The following ZNF510 variants were observed in gnomAD, a reference collection of about 807,000 sequenced individuals.
ZNF510 encodes zinc finger protein 510.
ZNF510 carries 15 observed loss-of-function variants against 18.1 expected under a neutral mutation model. The observed-to-expected ratio is 0.83, with a 90% confidence interval of 0.55 to 1.28. The LOEUF is 1.28. ZNF510 is among the 50% of genes most tolerant of loss of function. The pLI is 0.00. For synonymous variants in ZNF510, 261 were observed against 266.4 expected (o/e 0.98, Z 0.20); for missense variants, 724 against 791.8 (o/e 0.91, Z 1.03).
At chr9:96,768,172 A>AT (rs1477605513) in intron 3 of ZNF510, among the ~76,000 whole-genome samples, 9 of 152,234 alleles carry the variant, frequency 5.9e-5, no homozygotes, top group Admixed American at 3.9e-4. Context: ...TCCTTTCATG[A>AT]TAAAAACAAA....
intron 5 of ZNF510, 83 bp from the exon 6 acceptor site, chr9:96,760,560 C>T: frequency 8.2e-7 from 1 of 1,221,468 alleles, no homozygotes; most frequent in Non-Finnish European, 1.1e-6. Context: ...CTATGTTGCA[C>T]CTAATTATTT....
At chr9:96,772,294 G>A (rs190656279) in intron 3 of ZNF510, among the ~76,000 whole-genome samples, 35 of 152,254 alleles carry the variant, frequency 2.3e-4, no homozygotes, top group African/African-American at 7.2e-4. Context: ...AAATAAACAA[G>A]TATGTAGTAA....
At chr9:96,764,690 A>G (rs1481466184) in intron 3 of ZNF510, among the ~76,000 whole-genome samples, 1 of 152,206 alleles carries the variant, frequency 6.6e-6, no homozygotes, top group Admixed American at 6.5e-5. Flanking sequence ...AACATTATAT[A>G]TATAGGGATT....
At position 96,760,416 on chromosome 9, in the gene ZNF510, C is replaced by A; in HGVS notation, c.414G>T (p.Glu138Asp). ...TTTTATTATTGATACATATTGCTTGCTCCAAGTGTTTGTCTTTGATTTTCT... is the reference window on the plus strand; with the variant it reads ...TTTTATTATTGATACATATTGCTTGATCCAAGTGTTTGTCTTTGATTTTCT... ...QNKKIKDKHL[E>D]QAICINNKTL... is the part of the protein sequence containing the mutation. The change falls in exon 6 of 6, where the codon GAG (glutamate) becomes GAT (aspartate). Residue 138 changes from glutamate (E) to aspartate (D), a missense_variant. Coordinates refer to ENST00000223428, the MANE Select transcript of ZNF510 (RefSeq NM_014930.3). 6.2e-7 allele frequency: 1 copy of A among 1,612,882 alleles called. No individual in the cohort carries two copies.
chr9:96,776,234 G>A lies in ZNF510; in HGVS notation c.-165C>T, dbSNP rs564422326. 2 of 1,283,378 alleles carry A rather than the reference G, an allele frequency of 1.6e-6. No homozygotes were observed. The highest frequency in any genetic ancestry group is 2.0e-6 in the Non-Finnish European group (2 of 988,200). The allele number at this position is 1,283,378 out of a possible 1,614,324, so 79.5% of individuals were successfully genotyped here. On this transcript the variant is annotated 5_prime_UTR_variant, in exon 2 of 6. Transcript: ENST00000223428. Reference sequence around the variant, plus strand: ...CTTCGGTGGGACTCCTGTTCCTGGGGCTCCCTCCTTCCTGCAACATAAAGA... The same window carrying A: ...CTTCGGTGGGACTCCTGTTCCTGGGACTCCCTCCTTCCTGCAACATAAAGA...
chr9:96,769,858 T>C (rs10116384), intron 3 of ZNF510, among the ~76,000 whole-genome samples: 9,028 of 152,164 alleles, frequency 0.059, 877 homozygotes, highest in African/African-American at 0.2. Flanking sequence ...AAATCAAAGT[T>C]AAATGATACC....
At chr9:96,771,101 C>G (rs1849576009) in intron 3 of ZNF510, among the ~76,000 whole-genome samples, 1 of 152,126 alleles carries the variant, frequency 6.6e-6, no homozygotes, top group African/African-American at 2.4e-5. Flanking sequence ...ATTCAGAGAA[C>G]ACAAAATGAA....
At chr9:96,774,948 A>G in intron 2 of ZNF510, 102 bp from the exon 3 acceptor site, 1 of 962,660 alleles carries the variant, frequency 1.0e-6, no homozygotes, top group East Asian at 2.5e-5. Context: ...TCTACAAAAA[A>G]TGTTCCTTTG....
chr9:96,772,524 C>T (rs918294765), intron 3 of ZNF510, among the ~76,000 whole-genome samples: 1 of 151,932 alleles, frequency 6.6e-6, no homozygotes, highest in Non-Finnish European at 1.5e-5. Flanking sequence ...TGAAATAATT[C>T]CTACTTAAAA....
intron 5 of ZNF510, among the ~76,000 whole-genome samples, chr9:96,760,725 C>G (rs983368135): frequency 2.7e-5 from 4 of 149,696 alleles, no homozygotes; most frequent in Admixed American, 1.3e-4. Flanking sequence ...ATTTTCCTAA[C>G]TGGATAGATA....
rs1410987273 is a variant in ZNF510 at position 96,757,386 on chromosome 9, G to A, written c.*1392C>T. On this transcript the variant is annotated 3_prime_UTR_variant, in exon 6 of 6. Coordinates refer to ENST00000223428, the MANE Select transcript of ZNF510 (RefSeq NM_014930.3). The stretch of plus-strand genomic sequence containing the variant: ...GTTCATGCAAAGCCCTGTATCAGGT[G>A]GTACTATCAATTTCATTACATTGAA... 2 of 152,106 alleles carry A rather than the reference G, an allele frequency of 1.3e-5. No homozygotes were observed. The highest frequency in any genetic ancestry group is 6.6e-5 in the Admixed American group (1 of 15,266). The allele number at this position is 152,106 out of a possible 1,614,324, so 9.4% of individuals were successfully genotyped here. A position where few individuals can be genotyped will look rare whatever the true frequency, so the allele number is the denominator to read the frequency against.
chr9:96,764,653 G>C (rs1849429292), intron 3 of ZNF510, among the ~76,000 whole-genome samples: 1 of 152,002 alleles, frequency 6.6e-6, no homozygotes, highest in South Asian at 2.1e-4. Flanking sequence ...TTAAAGAAAA[G>C]ATAAAGTATA....
intron 3 of ZNF510, among the ~76,000 whole-genome samples, chr9:96,768,326 C>G (rs986810038): frequency 1.3e-5 from 2 of 152,114 alleles, no homozygotes; most frequent in Non-Finnish European, 2.9e-5. Context: ...TGCCTGCTTT[C>G]ATCATTTCTA....
Position 96,760,486 on chromosome 9 carries a change from G to C in ZNF510, c.353-9C>G. On this transcript the variant is annotated splice_polypyrimidine_tract_variant and intron_variant, in intron 5 of 5. Coordinates refer to ENST00000223428, the MANE Select transcript of ZNF510 (RefSeq NM_014930.3). The stretch of plus-strand genomic sequence containing the variant: ...ATCACCTCTGTAATCTTCTAAAACA[G>C]AAATATTGAAAACATCTTATGACTC... The C allele has an allele frequency of 6.4e-7, 1 of 1,573,126 alleles. No individual in the cohort carries two copies. Among genetic ancestry groups the C allele is most frequent in the Non-Finnish European group, 8.6e-7 (1 of 1,161,258 alleles).
intron 3 of ZNF510, among the ~76,000 whole-genome samples, chr9:96,766,027 A>T (rs759566865): frequency 3.9e-5 from 6 of 152,152 alleles, no homozygotes; most frequent in Non-Finnish European, 8.8e-5. Flanking sequence ...ACACAAAAAG[A>T]TTATGTACTG....
intron 1 of ZNF510, chr9:96,777,827 A>G (rs1849738246): frequency 6.6e-6 from 1 of 152,180 alleles, no homozygotes; most frequent in African/African-American, 2.4e-5. Flanking sequence ...CGCACCGAGC[A>G]TCTTCCAACT....
chr9:96,774,893 T>C, intron 2 of ZNF510, 47 bp from the exon 3 acceptor site: 1 of 1,527,358 alleles, frequency 6.5e-7, no homozygotes, highest in South Asian at 1.1e-5. Flanking sequence ...GCCTCCATCT[T>C]ACCTGCCTAC....
intron 3 of ZNF510, among the ~76,000 whole-genome samples, chr9:96,772,328 TAA>T (rs1849599693): frequency 6.6e-6 from 1 of 152,158 alleles, no homozygotes; most frequent in Non-Finnish European, 1.5e-5. Flanking sequence ...TATCTGATCT[TAA>T]GAGTAGGGAA....
At chr9:96,760,701 A>G (rs1308893254) in intron 5 of ZNF510, among the ~76,000 whole-genome samples, 5 of 152,128 alleles carry the variant, frequency 3.3e-5, no homozygotes, top group African/African-American at 4.8e-5. Context: ...CATATTTTGC[A>G]TGTGATTAGT....
Sources: gnomAD v4.1 joint callset for allele counts (sites outside exome capture counted in the v4.1 genomes callset) on GRCh38, gnomAD v4.1.1 for gene constraint, MANE v1.5 for transcripts, NCBI Gene and HGNC (gene_info 2026-07-23, HGNC 2026-07-21) for gene names.